Variants in GREB1L observed in about 807,000 individuals in gnomAD.
The protein encoded by GREB1L is GREB1-like protein.
GREB1L carries 17 observed loss-of-function variants against 200.8 expected under a neutral mutation model. The observed-to-expected ratio is 0.08, with a 90% CI of 0.06 to 0.13. The LOEUF is 0.13. Among genes scored for constraint, GREB1L ranks in the 10% least tolerant of loss-of-function variants. The probability of loss-of-function intolerance (pLI) is 1.00; values close to 1 mark genes in which losing one functional copy is unlikely to be tolerated. For synonymous variants in GREB1L, 789 were observed against 893.0 expected (o/e 0.88, Z 2.08); for missense variants, 1,657 against 2,367.7 (o/e 0.70, Z 6.23).
At chr18:21,461,392 T>G (rs2035041521) in intron 15 of GREB1L, among the ~76,000 whole-genome samples, 1 of 152,154 alleles carries the variant, frequency 6.6e-6, no homozygotes. Context: ...TAATCCCACC[T>G]GGCCCTCCAG....
chr18:21,370,602 A>G (rs977577460), intron 2 of GREB1L, among the ~76,000 whole-genome samples: 1 of 152,218 alleles, frequency 6.6e-6, no homozygotes, highest in African/African-American at 2.4e-5. Context: ...AATCTATCCT[A>G]TAGAATTATT....
chr18:21,369,581 A>G (rs1284244895), intron 2 of GREB1L, among the ~76,000 whole-genome samples: 2 of 152,212 alleles, frequency 1.3e-5, no homozygotes, highest in Non-Finnish European at 2.9e-5. Flanking sequence ...TTATTATGAA[A>G]TTAGTTAGCA....
rs572240958 is a variant in GREB1L, at chr18:21,251,701, C to T, written c.-120+9308C>T. On this transcript the variant is annotated intron_variant, in intron 1 of 32. Coordinates refer to ENST00000424526, the MANE Select transcript of GREB1L (RefSeq NM_001142966.3). Reference sequence around the variant, plus strand: ...GTGGCTCACACCTGCAATCTCAGCACTTTGGAAGGCCAAGGTGGGCAGATC... The same window carrying T: ...GTGGCTCACACCTGCAATCTCAGCATTTTGGAAGGCCAAGGTGGGCAGATC... Among the ~76,000 whole-genome samples the T allele has an allele frequency of 5.9e-5, 9 of 152,280 alleles. 1 individual carries two copies. In the East Asian group the frequency reaches 1.7e-3, roughly 29 times the overall value.
chr18:21,484,197 A>G (rs1195730546), intron 17 of GREB1L, among the ~76,000 whole-genome samples: 2 of 141,352 alleles, frequency 1.4e-5, no homozygotes, highest in Admixed American at 1.4e-4. Context: ...TTTTTTTGAG[A>G]TGGAGTTTCA....
At position 21,486,333 on chromosome 18, in the gene GREB1L, G is replaced by A. The variant is rs1327667358; in HGVS notation, c.2690+580G>A. ...CACGCCACTGCACTCCAGCCTGGGTGACAGAGCGAGACTCCGTCTCAAAAA... is the reference window on the plus strand; with the variant it reads ...CACGCCACTGCACTCCAGCCTGGGTAACAGAGCGAGACTCCGTCTCAAAAA... On this transcript the variant is annotated intron_variant, in intron 18 of 32. Coordinates refer to ENST00000424526, the MANE Select transcript of GREB1L (RefSeq NM_001142966.3). 2.0e-5 allele frequency among the ~76,000 whole-genome samples: 3 copies of A among 148,784 alleles called. No homozygotes were observed. In the Admixed American group the frequency reaches 2.0e-4, roughly 10 times the overall value.
intron 15 of GREB1L, among the ~76,000 whole-genome samples, chr18:21,461,290 T>C (rs1310137035): frequency 6.6e-6 from 1 of 151,868 alleles, no homozygotes; most frequent in African/African-American, 2.4e-5. Flanking sequence ...TTGCTTTTCT[T>C]CTCTCTCATT....
At chr18:21,367,272 T>C (rs1419218135) in intron 2 of GREB1L, among the ~76,000 whole-genome samples, 1 of 152,238 alleles carries the variant, frequency 6.6e-6, no homozygotes, top group Non-Finnish European at 1.5e-5. Flanking sequence ...TTTTGTCTAA[T>C]GGAAGGATAA....
chr18:21,355,319 A>G (rs977960756), intron 1 of GREB1L, among the ~76,000 whole-genome samples: 11 of 151,582 alleles, frequency 7.3e-5, no homozygotes, highest in African/African-American at 2.4e-4. Flanking sequence ...TTAGCCTCCC[A>G]AGTAGCTGGG....
At chr18:21,380,685 G>T (rs1192424928) in intron 2 of GREB1L, 5 of 152,172 alleles carry the variant, frequency 3.3e-5, no homozygotes, top group African/African-American at 1.2e-4. Flanking sequence ...TCTGTGAAAT[G>T]GAAAGAGGTC....
rs568719757 is a variant in GREB1L at position 21,400,536 on chromosome 18, G to C, written c.533-614G>C. On this transcript the variant is annotated intron_variant, in intron 5 of 32. Transcript: ENST00000424526. ...AGATCAGCTTCCCTTCATGGTTCTT[G>C]GTTCCCGTACCTTAGCTTACATGTG... Among the ~76,000 whole-genome samples the C allele has an allele frequency of 2.0e-5, 3 of 152,286 alleles. No homozygotes were observed. In the South Asian group the frequency reaches 6.2e-4, roughly 32 times the overall value.
chr18:21,280,078 G>A (rs955143172), intron 1 of GREB1L, among the ~76,000 whole-genome samples: 1 of 152,152 alleles, frequency 6.6e-6, no homozygotes, highest in Admixed American at 6.5e-5. Context: ...TTCACTCTTT[G>A]TGTTGTACAT....
chr18:21,433,510 T>C (rs996523408), intron 7 of GREB1L, among the ~76,000 whole-genome samples: 2 of 152,246 alleles, frequency 1.3e-5, no homozygotes, highest in African/African-American at 4.8e-5. Flanking sequence ...TGTAAGGCTC[T>C]GTTAAGACAT....
chr18:21,413,646 C>A (rs1436956739), intron 7 of GREB1L, among the ~76,000 whole-genome samples: 1 of 152,124 alleles, frequency 6.6e-6, no homozygotes, highest in Non-Finnish European at 1.5e-5. Context: ...CAGAGCCTAA[C>A]ATAGTACCTG....
intron 2 of GREB1L, among the ~76,000 whole-genome samples, chr18:21,370,281 A>G (rs936271217): frequency 1.3e-5 from 2 of 152,140 alleles, no homozygotes; most frequent in African/African-American, 2.4e-5. Flanking sequence ...AAAACTCACA[A>G]TCTATTGGGG....
At chr18:21,345,322 C>T (rs2039328963) in intron 1 of GREB1L, among the ~76,000 whole-genome samples, 1 of 152,148 alleles carries the variant, frequency 6.6e-6, no homozygotes, top group South Asian at 2.1e-4. Flanking sequence ...CCCCAGTTTG[C>T]CTGAAAAAAG....
intron 17 of GREB1L, among the ~76,000 whole-genome samples, chr18:21,482,769 C>G (rs140770628): frequency 5.4e-4 from 81 of 150,956 alleles, no homozygotes; most frequent in African/African-American, 1.9e-3. Context: ...AAGTCATCAC[C>G]AACGCCCGCA....
chr18:21,303,683 G>A (rs1035714139), intron 1 of GREB1L, among the ~76,000 whole-genome samples: 2 of 152,124 alleles, frequency 1.3e-5, no homozygotes, highest in African/African-American at 4.8e-5. Flanking sequence ...AAGGGATTTC[G>A]TGAGTAACCT....
rs773688496 is a variant in GREB1L, at chr18:21,508,291, C to G, written c.4530+12C>G. 41 of 1,551,482 alleles carry G rather than the reference C, an allele frequency of 2.6e-5. No individual in the cohort carries two copies. Among genetic ancestry groups the G allele is most frequent in the Non-Finnish European group, 3.4e-5 (39 of 1,147,010 alleles). On this transcript the variant is annotated intron_variant, in intron 26 of 32. Transcript: ENST00000424526. The stretch of plus-strand genomic sequence containing the variant: ...TGGTTTCAGACAAGGTGGGTGAGAG[C>G]ATCTGGACTGGCAGGCACCAGACCT...
intron 10 of GREB1L, among the ~76,000 whole-genome samples, chr18:21,442,422 G>C (rs894483044): frequency 6.6e-6 from 1 of 152,180 alleles, no homozygotes; most frequent in Non-Finnish European, 1.5e-5. Context: ...GCTAATCCTA[G>C]ATCTGTAGGT....
Sources: gnomAD v4.1 joint callset for allele counts (sites outside exome capture counted in the v4.1 genomes callset) on GRCh38, gnomAD v4.1.1 for gene constraint, MANE v1.5 for transcripts, NCBI Gene and HGNC (gene_info 2026-07-23, HGNC 2026-07-21) for gene names.